Variants in ZC3H12B observed in about 807,000 individuals in gnomAD.
ZC3H12B encodes probable ribonuclease ZC3H12B.
ZC3H12B carries 7 observed loss-of-function variants against 43.9 expected under a neutral mutation model. That is an observed-to-expected ratio of 0.16 (90% CI 0.09 to 0.30). ZC3H12B has a LOEUF of 0.30. Ranked by LOEUF, ZC3H12B falls within the 10% of genes least tolerant of loss-of-function variation. The pLI is 1.00. For synonymous variants in ZC3H12B, 222 were observed against 241.7 expected, an observed-to-expected ratio of 0.92 and a Z score of 0.76; for missense variants, 475 against 670.2, an observed-to-expected ratio of 0.71 and a Z score of 3.22.
the ZC3H12B span, among the ~76,000 whole-genome samples, chrX:65,321,479 G>A: frequency 1.8e-5 from 2 of 111,732 alleles, no homozygotes; most frequent in African/African-American, 3.3e-5. Flanking sequence ...AGCCATTGCA[G>A]TAAACAGTGT....
the ZC3H12B span, among the ~76,000 whole-genome samples, chrX:65,299,826 C>T: frequency 8.9e-6 from 1 of 112,433 alleles, no homozygotes; most frequent in South Asian, 3.6e-4. Context: ...AGCTAAAAAA[C>T]TGTGAGTGCC....
chrX:65,071,686 A>G, the ZC3H12B span, among the ~76,000 whole-genome samples: 1 of 111,604 alleles, frequency 9.0e-6, no homozygotes. Context: ...TCTGGAAAGG[A>G]TCTTATTTCT....
At chrX:65,270,419 T>A in the ZC3H12B span, among the ~76,000 whole-genome samples, 1 of 111,546 alleles carries the variant, frequency 9.0e-6, no homozygotes, top group African/African-American at 3.3e-5. Flanking sequence ...GACCTGAAAT[T>A]ATAAAATTTC....
chrX:65,069,983 A>G, the ZC3H12B span, among the ~76,000 whole-genome samples: 2 of 107,705 alleles, frequency 1.9e-5, no homozygotes, highest in African/African-American at 6.7e-5. Flanking sequence ...GATGAGTCTT[A>G]TGTTCTTAAT....
At chrX:65,084,988 A>C in the ZC3H12B span, among the ~76,000 whole-genome samples, 6 of 112,124 alleles carry the variant, frequency 5.4e-5, no homozygotes, top group Admixed American at 5.7e-4. Context: ...CATTATGTTA[A>C]ATGAAATAAG....
intron 3 of ZC3H12B, among the ~76,000 whole-genome samples, chrX:65,430,304 G>A (rs1319352310): frequency 9.1e-6 from 1 of 109,863 alleles, no homozygotes; most frequent in Non-Finnish European, 1.9e-5. Context: ...CATGGGAGAA[G>A]CATGGTTTCC....
At position 65,386,079 on chromosome X, in the gene ZC3H12B, T is replaced by G. The variant is rs751029592; in HGVS notation, n.296-12514T>G. Among the ~76,000 whole-genome samples, 4 of 112,352 alleles carry G rather than the reference T, an allele frequency of 3.6e-5. 1 individual carries two copies. The highest frequency in any genetic ancestry group is 5.5e-4 in the East Asian group (2 of 3,620). On this transcript the variant is annotated intron_variant and non_coding_transcript_variant, in intron 2 of 5. Coordinates refer to the ZC3H12B transcript ENST00000617377. ...TTATTGAAGATTTGTGCATTGATATTCATCAGGGGTATTGGTCTAAAATTC... is the reference window on the plus strand; with the variant it reads ...TTATTGAAGATTTGTGCATTGATATGCATCAGGGGTATTGGTCTAAAATTC...
the ZC3H12B span, among the ~76,000 whole-genome samples, chrX:65,103,210 C>G: frequency 9.0e-6 from 1 of 111,284 alleles, no homozygotes; most frequent in Admixed American, 9.6e-5. Context: ...GTGGCCATTT[C>G]AGAGACCTCC....
the ZC3H12B span, among the ~76,000 whole-genome samples, chrX:65,254,865 C>A: frequency 2.2e-4 from 24 of 111,194 alleles, no homozygotes; most frequent in Admixed American, 1.4e-3. Context: ...TAGGAAAAAA[C>A]CAAGCTGACC....
chrX:65,154,625 G>T, the ZC3H12B span, among the ~76,000 whole-genome samples: 1 of 112,085 alleles, frequency 8.9e-6, no homozygotes, highest in Non-Finnish European at 1.9e-5. Flanking sequence ...AAGGCTGGAG[G>T]ATTGCTTGAG....
At chrX:65,185,772 G>A in the ZC3H12B span, 2 of 111,159 alleles carry the variant, frequency 1.8e-5, no homozygotes, top group Non-Finnish European at 3.8e-5. Flanking sequence ...CAACAAAGAT[G>A]ACATATCAGG....
intron 3 of ZC3H12B, among the ~76,000 whole-genome samples, chrX:65,478,915 GT>G (rs763834737): frequency 1.2e-4 from 13 of 111,725 alleles, no homozygotes; most frequent in Admixed American, 5.7e-4. Context: ...TTCCTTTAAA[GT>G]TTTTTTTGTC....
At chrX:65,370,235 G>A (rs936387658) in intron 2 of ZC3H12B, among the ~76,000 whole-genome samples, 7 of 111,881 alleles carry the variant, frequency 6.3e-5, no homozygotes, top group Non-Finnish European at 1.3e-4. Context: ...ATATTTTTCA[G>A]AATTCATTAA....
chrX:65,085,153 A>G, the ZC3H12B span, among the ~76,000 whole-genome samples: 1 of 111,418 alleles, frequency 9.0e-6, no homozygotes, highest in East Asian at 2.8e-4. Context: ...TGAGTGATGG[A>G]TACAAAAAAT....
the ZC3H12B span, among the ~76,000 whole-genome samples, chrX:65,116,349 G>T: frequency 9.0e-6 from 1 of 110,983 alleles, no homozygotes; most frequent in Non-Finnish European, 1.9e-5. Flanking sequence ...TCTAACATCA[G>T]TTGGATGTAA....
chrX:65,397,312 G>C (rs1045497506), intron 2 of ZC3H12B, among the ~76,000 whole-genome samples: 1 of 111,653 alleles, frequency 9.0e-6, no homozygotes, highest in Non-Finnish European at 1.9e-5. Flanking sequence ...TTATATTTTG[G>C]TGTGTTTTTG....
the ZC3H12B span, among the ~76,000 whole-genome samples, chrX:65,226,055 C>T: frequency 9.0e-6 from 1 of 111,203 alleles, no homozygotes; most frequent in Non-Finnish European, 1.9e-5. Flanking sequence ...AGAAGAGCAA[C>T]TCCAAGACAC....
At chrX:65,229,194 C>A in the ZC3H12B span, among the ~76,000 whole-genome samples, 1 of 110,795 alleles carries the variant, frequency 9.0e-6, no homozygotes, top group African/African-American at 3.3e-5. Context: ...AGATATAGAT[C>A]AATGGAACAC....
intron 2 of ZC3H12B, among the ~76,000 whole-genome samples, chrX:65,386,654 G>T (rs1358710709): frequency 3.6e-5 from 4 of 111,161 alleles, no homozygotes; most frequent in Admixed American, 9.6e-5. Flanking sequence ...CTTCAGTTCT[G>T]CTCTGACTGT....
Sources: allele counts gnomAD v4.1 joint callset (sites outside exome capture counted in the v4.1 genomes callset), GRCh38; gene constraint gnomAD v4.1.1; transcripts MANE v1.5; gene names NCBI Gene and HGNC (gene_info 2026-07-23, HGNC 2026-07-21).